Variants in PTPRK observed in about 807,000 individuals in gnomAD.
PTPRK encodes the protein receptor-type tyrosine-protein phosphatase kappa.
In PTPRK, 75 loss-of-function variants were observed where a neutral mutation model predicts 178.0. The ratio of observed to expected loss-of-function variants is 0.42; its 90% CI spans 0.35 to 0.51. PTPRK has a LOEUF of 0.51. Among genes scored for constraint, PTPRK ranks in the 20% least tolerant of loss-of-function variants. The pLI, the probability that PTPRK is intolerant of heterozygous loss-of-function variation, is 0.02. For missense variants in PTPRK, 1,441 were observed against 1,797.8 expected (o/e 0.80, Z 3.59); for synonymous variants, 637 against 620.6 (o/e 1.03, Z -0.39).
chr6:128,460,406 G>A (rs1848907708), intron 1 of PTPRK, among the ~76,000 whole-genome samples: 1 of 152,058 alleles, frequency 6.6e-6, no homozygotes, highest in African/African-American at 2.4e-5. Context: ...GCAGGGCATG[G>A]TGATGCATGC....
At chr6:128,485,852 T>C (rs1180497874) in intron 1 of PTPRK, among the ~76,000 whole-genome samples, 1 of 152,316 alleles carries the variant, frequency 6.6e-6, no homozygotes, top group Non-Finnish European at 1.5e-5. Context: ...CGAAAAATAA[T>C]TGTAAAACAA....
intron 3 of PTPRK, among the ~76,000 whole-genome samples, chr6:128,318,233 C>T (rs1172955669): frequency 6.6e-6 from 1 of 152,250 alleles, no homozygotes; most frequent in Non-Finnish European, 1.5e-5. Flanking sequence ...GAAGATCAAT[C>T]TTTTAGAGGC....
chr6:128,514,619 A>G (rs1403023258), intron 1 of PTPRK, among the ~76,000 whole-genome samples: 1 of 152,196 alleles, frequency 6.6e-6, no homozygotes, highest in African/African-American at 2.4e-5. Context: ...GGAAACACGG[A>G]TTATTCCATT....
chr6:128,321,607 T>C, intron 3 of PTPRK: 1 of 563,814 alleles, frequency 1.8e-6, no homozygotes, highest in Non-Finnish European at 3.1e-6. Context: ...CACATTTATT[T>C]CCCAAATGTT....
intron 1 of PTPRK, among the ~76,000 whole-genome samples, chr6:128,438,611 T>C (rs1315993599): frequency 6.6e-6 from 1 of 152,212 alleles, no homozygotes; most frequent in African/African-American, 2.4e-5. Flanking sequence ...AGAGCTGTTG[T>C]GCACCTCAGA....
At chr6:128,189,532 C>T (rs1450893691) in intron 6 of PTPRK, among the ~76,000 whole-genome samples, 9 of 152,026 alleles carry the variant, frequency 5.9e-5, no homozygotes, top group African/African-American at 2.2e-4. Flanking sequence ...AGCCACCACA[C>T]CTGGCCCATA....
intron 3 of PTPRK, among the ~76,000 whole-genome samples, chr6:128,261,581 G>C (rs1249633845): frequency 6.6e-6 from 1 of 152,146 alleles, no homozygotes; most frequent in Non-Finnish European, 1.5e-5. Context: ...GAGCAAAACT[G>C]TCCAGCAAAA....
chr6:128,258,052 G>A (rs1479288042), intron 3 of PTPRK, among the ~76,000 whole-genome samples: 1 of 151,882 alleles, frequency 6.6e-6, no homozygotes, highest in South Asian at 2.1e-4. Context: ...AATCAATTAG[G>A]ACCACTGAGA....
intron 18 of PTPRK, 88 bp from the exon 19 acceptor site, chr6:127,992,797 GTTAAGA>G (rs1237890116): frequency 1.7e-5 from 18 of 1,061,186 alleles, no homozygotes; most frequent in Admixed American, 1.2e-4. Flanking sequence ...ACAACCACCT[GTTAAGA>G]TTAAGTTATA....
At chr6:128,197,662 C>A (rs1805136015) in intron 6 of PTPRK, among the ~76,000 whole-genome samples, 1 of 151,886 alleles carries the variant, frequency 6.6e-6, no homozygotes, top group South Asian at 2.1e-4. Context: ...ACCAAGGTGT[C>A]CCCTAGGTGA....
intron 2 of PTPRK, among the ~76,000 whole-genome samples, chr6:128,330,235 C>T (rs573487715): frequency 2.6e-5 from 4 of 152,266 alleles, no homozygotes; most frequent in Admixed American, 2.0e-4. Context: ...CTCAGCCCAT[C>T]GGGGATATTT....
Position 128,520,511 on chromosome 6 carries a change from A to ACCGAG in PTPRK, c.-154_-153insCTCGG. ...CCCTTTTTCCTTCTTCGCGGTCGCCAAACTACCTCAGGGGCGAAAGCGTCG... is the reference window on the plus strand; with the variant it reads ...CCCTTTTTCCTTCTTCGCGGTCGCCACCGAGAACTACCTCAGGGGCGAAAGCGTCG... On this transcript the variant is annotated 5_prime_UTR_variant, in exon 1 of 30. Transcript: ENST00000368226. 2.9e-6 allele frequency: 2 copies of ACCGAG among 684,348 alleles called. No individual in the cohort carries two copies. The allele number at this position is 684,348 out of a possible 1,614,324, so 42.4% of individuals were successfully genotyped here.
intron 19 of PTPRK, 82 bp from the exon 20 acceptor site, chr6:127,991,473 G>C: frequency 1.0e-6 from 1 of 960,758 alleles, no homozygotes; most frequent in Non-Finnish European, 1.5e-6. Flanking sequence ...AAGAAGCAGA[G>C]TAAACTAAGT....
chr6:128,053,974 T>C (rs1002956403), intron 13 of PTPRK, among the ~76,000 whole-genome samples: 3 of 152,240 alleles, frequency 2.0e-5, no homozygotes, highest in Admixed American at 6.5e-5. Flanking sequence ...TGCATCAATC[T>C]AACATATATG....
At chr6:128,353,867 G>A (rs140178824) in intron 2 of PTPRK, among the ~76,000 whole-genome samples, 9 of 152,200 alleles carry the variant, frequency 5.9e-5, no homozygotes, top group East Asian at 1.9e-4. Context: ...ATATGACTGC[G>A]TATAAAACTG....
intron 3 of PTPRK, among the ~76,000 whole-genome samples, chr6:128,272,469 G>A (rs1168069144): frequency 2.6e-5 from 4 of 151,034 alleles, no homozygotes; most frequent in Non-Finnish European, 5.9e-5. Flanking sequence ...TCTGACAAAG[G>A]GCTAATATCC....
At chr6:128,511,033 A>C (rs1857103130) in intron 1 of PTPRK, among the ~76,000 whole-genome samples, 2 of 152,168 alleles carry the variant, frequency 1.3e-5, no homozygotes, top group Admixed American at 6.6e-5. Flanking sequence ...AAATTCTACA[A>C]ATTTTTAATG....
intron 5 of PTPRK, among the ~76,000 whole-genome samples, chr6:128,236,876 T>C (rs1005827145): frequency 2.0e-5 from 3 of 152,188 alleles, no homozygotes; most frequent in Non-Finnish European, 4.4e-5. Flanking sequence ...ACATTCCCTA[T>C]AGATACTTTC....
Position 128,082,573 on chromosome 6 carries a change from T to A in PTPRK, c.1641A>T (p.Val547=). 6.2e-7 allele frequency: 1 copy of A among 1,612,594 alleles called. No homozygotes were observed. The highest frequency in any genetic ancestry group is 8.5e-7 in the Non-Finnish European group (1 of 1,178,820). ...AVPVAGPPQT[V]SNLWNSTHHV... ...GGTGTGTACTGTTCCATAAATTTGA[T>A]ACAGTCTGGGGAGGTCCAGCCACTG... The change falls in exon 10 of 30, where the codon GTA becomes GTT. Residue 547 remains valine, a synonymous_variant. Coordinates refer to ENST00000368226, the MANE Select transcript of PTPRK (RefSeq NM_002844.4).
Sources: gnomAD v4.1 joint callset for allele counts (sites outside exome capture counted in the v4.1 genomes callset) on GRCh38, gnomAD v4.1.1 for gene constraint, MANE v1.5 for transcripts, NCBI Gene and HGNC (gene_info 2026-07-23, HGNC 2026-07-21) for gene names.